The following FBXL20 variants were observed in gnomAD, a reference collection of about 807,000 sequenced individuals.
The protein encoded by FBXL20 is F-box and leucine rich repeat protein 20.
Under a neutral mutation model 64.0 loss-of-function variants are expected in FBXL20, and 11 were observed. The ratio of observed to expected loss-of-function variants is 0.17; its 90% CI spans 0.11 to 0.28. The LOEUF is 0.28. Among genes scored for constraint, FBXL20 ranks in the 10% least tolerant of loss-of-function variants. The pLI is 1.00. For missense variants in FBXL20, 303 were observed against 526.2 expected (o/e 0.58, Z 4.15); for synonymous variants, 184 against 189.0 (o/e 0.97, Z 0.22).
intron 2 of FBXL20, among the ~76,000 whole-genome samples, chr17:39,335,705 G>T (rs1339739302): frequency 5.3e-5 from 8 of 151,974 alleles, no homozygotes. Context: ...GTACCGCTAA[G>T]TAAGTACATA....
chr17:39,361,717 A>C (rs2047796283), intron 1 of FBXL20, among the ~76,000 whole-genome samples: 1 of 151,986 alleles, frequency 6.6e-6, no homozygotes, highest in South Asian at 2.1e-4. Flanking sequence ...GAACTGCTTG[A>C]ACCTGGGAGG....
chr17:39,299,145 A>G, intron 4 of FBXL20, 61 bp from the exon 5 acceptor site: 1 of 1,151,354 alleles, frequency 8.7e-7, no homozygotes, highest in Non-Finnish European at 1.3e-6. Flanking sequence ...AAAAGAACAC[A>G]TACTCATTTT....
At chr17:39,322,106 A>C (rs368305293) in intron 2 of FBXL20, among the ~76,000 whole-genome samples, 1 of 148,340 alleles carries the variant, frequency 6.7e-6, no homozygotes, top group African/African-American at 2.5e-5. Context: ...CAGGAGGATC[A>C]CTTGAGGGTA....
Position 39,293,225 on chromosome 17 carries a change from C to CT in FBXL20, c.398+3901dup, listed in dbSNP as rs113511127. Among the ~76,000 whole-genome samples, 452 of 135,198 alleles carry CT rather than the reference C, an allele frequency of 3.3e-3. 3 individuals carry two copies. Among genetic ancestry groups the CT allele is most frequent in the Middle Eastern group, 8.1e-3 (2 of 246 alleles). 88.7% of individuals were successfully genotyped at this position (135,198 alleles called of 152,430 possible). ...AGGCAGTTAAGTTTGTTTTGGATCACTTTTTTTTTTTTTTGAGACGGAGTC... is the reference window on the plus strand; with the variant it reads ...AGGCAGTTAAGTTTGTTTTGGATCACTTTTTTTTTTTTTTTGAGACGGAGTC... On this transcript the variant is annotated intron_variant, in intron 6 of 14. Transcript: ENST00000264658.
At chr17:39,313,862 C>T (rs1235067422) in intron 2 of FBXL20, among the ~76,000 whole-genome samples, 4 of 151,846 alleles carry the variant, frequency 2.6e-5, no homozygotes, top group South Asian at 2.1e-4. Context: ...CTCCAACTCC[C>T]GACCTCAAGT....
At chr17:39,282,889 C>T (rs1255497089) in intron 7 of FBXL20, 34 bp from the exon 8 acceptor site, 15 of 1,610,816 alleles carry the variant, frequency 9.3e-6, no homozygotes, top group Non-Finnish European at 1.2e-5. Context: ...AAACATATCA[C>T]TAAATCCAAT....
At chr17:39,368,585 C>T (rs1181809677) in intron 1 of FBXL20, among the ~76,000 whole-genome samples, 2 of 152,014 alleles carry the variant, frequency 1.3e-5, no homozygotes, top group African/African-American at 4.8e-5. Flanking sequence ...CTGACAAGCC[C>T]CTCTAAAAAC....
At chr17:39,379,755 T>G (rs948423561) in intron 1 of FBXL20, among the ~76,000 whole-genome samples, 4 of 152,064 alleles carry the variant, frequency 2.6e-5, no homozygotes, top group African/African-American at 9.7e-5. Flanking sequence ...CAATCCAGCC[T>G]GGACAACAGA....
At chr17:39,357,545 C>A (rs769135484) in intron 1 of FBXL20, among the ~76,000 whole-genome samples, 26 of 151,864 alleles carry the variant, frequency 1.7e-4, no homozygotes, top group Non-Finnish European at 3.4e-4. Flanking sequence ...TCATCTTACG[C>A]GAAACCCCCT....
intron 2 of FBXL20, among the ~76,000 whole-genome samples, chr17:39,305,772 G>C (rs1279171803): frequency 6.6e-6 from 1 of 151,984 alleles, no homozygotes; most frequent in African/African-American, 2.4e-5. Flanking sequence ...GGTCATCTGA[G>C]GTCAGGAGTT....
At chr17:39,358,041 G>T in intron 1 of FBXL20, among the ~76,000 whole-genome samples, 1 of 152,170 alleles carries the variant, frequency 6.6e-6, no homozygotes, top group East Asian at 1.9e-4. Flanking sequence ...CTGTCTCACA[G>T]AAAGCTTATA....
Position 39,289,475 on chromosome 17 carries a change from G to A in FBXL20, c.399-3902C>T, listed in dbSNP as rs187595524. 2.1e-3 allele frequency among the ~76,000 whole-genome samples: 319 copies of A among 151,624 alleles called. 3 individuals carry two copies. The highest frequency in any genetic ancestry group is 7.3e-3 in the African/African-American group (301 of 41,328). ...AGTTTGAGACCACCTTGGGCAACAT[G>A]GTGAAATTATCTCTCTACCCAAAAT... On this transcript the variant is annotated intron_variant, in intron 6 of 14. Transcript: ENST00000264658.
intron 7 of FBXL20, among the ~76,000 whole-genome samples, chr17:39,283,290 G>T (rs1597773681): frequency 1.3e-5 from 2 of 152,154 alleles, no homozygotes; most frequent in South Asian, 4.1e-4. Context: ...CAGTGTTTCA[G>T]ATTTCAGATT....
intron 1 of FBXL20, among the ~76,000 whole-genome samples, chr17:39,366,325 ATC>A (rs2047859403): frequency 6.6e-6 from 1 of 152,132 alleles, no homozygotes; most frequent in Non-Finnish European, 1.5e-5. Flanking sequence ...CTGCTCCAAA[ATC>A]TGTCACATCT....
In FBXL20 at chr17:39,401,439, C is replaced by G; in HGVS notation, c.-37G>C. ...GTGCGGCCCGGGCCGGGCGCTGCGG[C>G]GAGCGGAGTGCACAGACCGGGGGCC... On this transcript the variant is annotated 5_prime_UTR_variant, in exon 1 of 15. Transcript: ENST00000264658. The G allele has an allele frequency of 3.2e-6, 5 of 1,568,304 alleles. No individual in the cohort carries two copies. Among genetic ancestry groups the G allele is most frequent in the African/African-American group, 1.4e-5 (1 of 73,446 alleles).
intron 6 of FBXL20, among the ~76,000 whole-genome samples, chr17:39,288,397 C>A (rs545284153): frequency 6.6e-6 from 1 of 152,300 alleles, no homozygotes; most frequent in African/African-American, 2.4e-5. Context: ...TCTATATACT[C>A]TTGAGAGAAG....
chr17:39,294,818 C>T (rs905281805), intron 6 of FBXL20, among the ~76,000 whole-genome samples: 2 of 152,044 alleles, frequency 1.3e-5, no homozygotes, highest in African/African-American at 4.8e-5. Flanking sequence ...TCCTGACCAG[C>T]CTGGCCAACA....
chr17:39,263,655 G>A (rs988481673), intron 14 of FBXL20, among the ~76,000 whole-genome samples: 2 of 152,174 alleles, frequency 1.3e-5, no homozygotes, highest in African/African-American at 4.8e-5. Context: ...AGGTGCCACT[G>A]CACTCCTGCC....
Position 39,401,588 on chromosome 17 carries a change from C to G in FBXL20, c.-186G>C, listed in dbSNP as rs1487012786. ...CCTCCACCACCTCCCGCGGCGCCGG[C>G]GGCCGCAACGACTGCTCGTCGCTAG... On this transcript the variant is annotated 5_prime_UTR_variant, in exon 1 of 15. Coordinates refer to ENST00000264658, the MANE Select transcript of FBXL20 (RefSeq NM_032875.3). The G allele has an allele frequency of 1.4e-6, 2 of 1,398,036 alleles. No individual in the cohort carries two copies. The highest frequency in any genetic ancestry group is 5.7e-5 in the East Asian group (2 of 35,048). The allele number at this position is 1,398,036 out of a possible 1,614,324, so 86.6% of individuals were successfully genotyped here.
Sources: gnomAD v4.1 joint callset for allele counts (sites outside exome capture counted in the v4.1 genomes callset) on GRCh38, gnomAD v4.1.1 for gene constraint, MANE v1.5 for transcripts, NCBI Gene and HGNC (gene_info 2026-07-23, HGNC 2026-07-21) for gene names.